The following TM9SF3 variants were observed in gnomAD, a reference collection of about 807,000 sequenced individuals.
The protein encoded by TM9SF3 is SM-11044-binding protein.
A neutral mutation model predicts 78.6 loss-of-function variants in TM9SF3; 14 were observed. The observed-to-expected ratio is 0.18, with a 90% CI of 0.12 to 0.28. TM9SF3 has a LOEUF of 0.28. Among genes scored for constraint, TM9SF3 ranks in the 10% least tolerant of loss-of-function variants. The pLI is 1.00. For synonymous variants in TM9SF3, 231 were observed against 241.7 expected (o/e 0.96, Z 0.41); for missense variants, 496 against 721.9 (o/e 0.69, Z 3.59).
chr10:96,552,906 T>C (rs765757422), intron 6 of TM9SF3, 22 bp downstream of exon 6: 1 of 1,505,498 alleles, frequency 6.6e-7, no homozygotes, highest in Non-Finnish European at 8.8e-7. Flanking sequence ...TTTCTACAAA[T>C]ATAATGTAAA....
chr10:96,533,072 C>A lies in TM9SF3; in HGVS notation c.1304G>T (p.Arg435Leu). 6.2e-7 allele frequency: 1 copy of A among 1,613,894 alleles called. No individual in the cohort carries two copies. The highest frequency in any genetic ancestry group is 8.5e-7 in the Non-Finnish European group (1 of 1,179,938). ...NFPCRVNAVP[R>L]PIPEKKWFME... is the part of the protein sequence containing the mutation. ...TTACCATTTTTTCTCCGGTATAGGA[C>A]GAGGCACAGCATTGACACGACAAGG... The change falls in exon 10 of 15, where the codon CGT becomes CTT. Residue 435 changes from arginine (R) to leucine (L), a missense_variant. Physicochemically the swap from Arg to Leu is moderately radical, Grantham distance 102 (BLOSUM62 -2). Around this residue, in one of 4 missense-constraint regions of TM9SF3, gnomAD observed 280 missense variants for 422.6 expected, o/e 0.66. Transcript: ENST00000371142.
intron 11 of TM9SF3, 103 bp from the exon 12 acceptor site, chr10:96,528,280 A>C: frequency 8.2e-7 from 1 of 1,220,470 alleles, no homozygotes; most frequent in Non-Finnish European, 1.1e-6. Context: ...TTCTCACTTA[A>C]TGACTTTCTT....
intron 9 of TM9SF3, among the ~76,000 whole-genome samples, chr10:96,541,565 G>A (rs1848032823): frequency 6.6e-6 from 1 of 152,036 alleles, no homozygotes; most frequent in Non-Finnish European, 1.5e-5. Context: ...TGCTTTTTCA[G>A]TAGAGATAGG....
At chr10:96,546,602 C>T (rs1268017690) in intron 8 of TM9SF3, among the ~76,000 whole-genome samples, 1 of 152,056 alleles carries the variant, frequency 6.6e-6, no homozygotes, top group Non-Finnish European at 1.5e-5. Context: ...GACTAATTTC[C>T]CACACCTGCG....
intron 8 of TM9SF3, among the ~76,000 whole-genome samples, chr10:96,545,618 G>A (rs1848088002): frequency 6.6e-6 from 1 of 152,168 alleles, no homozygotes; most frequent in Non-Finnish European, 1.5e-5. Context: ...GGCCGGGCGT[G>A]GTGGCTCATG....
At chr10:96,585,668 T>C (rs562124720) in intron 1 of TM9SF3, among the ~76,000 whole-genome samples, 1 of 152,350 alleles carries the variant, frequency 6.6e-6, no homozygotes, top group Admixed American at 6.5e-5. Flanking sequence ...TCGGATCCAT[T>C]AAATAGGTAA....
At chr10:96,546,469 G>T (rs1848101641) in intron 8 of TM9SF3, among the ~76,000 whole-genome samples, 1 of 152,162 alleles carries the variant, frequency 6.6e-6, no homozygotes, top group Admixed American at 6.5e-5. Flanking sequence ...ATCTGTTTCT[G>T]CTGTGGAGAC....
At chr10:96,530,703 T>C (rs1237186533) in intron 10 of TM9SF3, 95 bp from the exon 11 acceptor site, 5 of 1,157,100 alleles carry the variant, frequency 4.3e-6, no homozygotes, top group Non-Finnish European at 6.1e-6. Flanking sequence ...ACTTAAAAAA[T>C]CATCTCTAAA....
intron 7 of TM9SF3, among the ~76,000 whole-genome samples, chr10:96,549,212 T>A (rs77408594): frequency 1.6e-3 from 243 of 152,334 alleles, no homozygotes; most frequent in African/African-American, 5.5e-3. Flanking sequence ...TTTCCTCTGA[T>A]TGCTATAGTG....
Position 96,559,613 on chromosome 10 carries a change from G to A in TM9SF3, c.660+46C>T, listed in dbSNP as rs758060110. 1.7e-5 allele frequency: 23 copies of A among 1,356,792 alleles called. 1 individual carries two copies. Among genetic ancestry groups the A allele is most frequent in the Middle Eastern group, 1.8e-4 (1 of 5,422 alleles). The allele number at this position is 1,356,792 out of a possible 1,614,324, so 84.0% of individuals were successfully genotyped here. A position where few individuals can be genotyped will look rare whatever the true frequency, so the allele number is the denominator to read the frequency against. ...GACAGATACTCAATGTTTGTTGAAC[G>A]AATTGGTGCACATAATCAATGTCTT... On this transcript the variant is annotated intron_variant, in intron 5 of 14. Transcript: ENST00000371142.
chr10:96,586,879 TCCCGCCGCCGCCTCCTCCGCCGCCG>T lies in TM9SF3; in HGVS notation c.-69_-45del. ...CCGGAGCCGGCTCACCGACTCCTCCTCCCGCCGCCGCCTCCTCCGCCGCCGCCGCCTCCGCCGCGGCCGATTCGCA... is the reference window on the plus strand; with the variant it reads ...CCGGAGCCGGCTCACCGACTCCTCCTCCGCCTCCGCCGCGGCCGATTCGCA... On this transcript the variant is annotated 5_prime_UTR_variant, in exon 1 of 15. It removes the in-frame stop codon of an upstream open reading frame in the 5' UTR. Transcript: ENST00000371142. 8.6e-7 allele frequency: 1 copy of T among 1,160,652 alleles called. No homozygotes were observed. 71.9% of individuals were successfully genotyped at this position (1,160,652 alleles called of 1,614,324 possible). A position where few individuals can be genotyped will look rare whatever the true frequency, so the allele number is the denominator to read the frequency against.
intron 9 of TM9SF3, chr10:96,543,481 CCCA>C (rs1470839333): frequency 6.6e-6 from 1 of 151,766 alleles, no homozygotes; most frequent in Non-Finnish European, 1.5e-5. Flanking sequence ...ACCACAGGCG[CCCA>C]CCACCACACC....
intron 2 of TM9SF3, among the ~76,000 whole-genome samples, chr10:96,570,725 A>C (rs1848428774): frequency 6.6e-6 from 1 of 151,352 alleles, no homozygotes; most frequent in African/African-American, 2.4e-5. Flanking sequence ...ACAGAGACAA[A>C]GAGAAGAGAC....
chr10:96,564,283 T>C (rs1282763462), intron 3 of TM9SF3, among the ~76,000 whole-genome samples: 1 of 151,996 alleles, frequency 6.6e-6, no homozygotes, highest in Admixed American at 6.6e-5. Flanking sequence ...GGGAAAACAA[T>C]AGGGAAGAAA....
chr10:96,579,538 C>T (rs1202517169), intron 1 of TM9SF3, among the ~76,000 whole-genome samples: 2 of 152,066 alleles, frequency 1.3e-5, no homozygotes, highest in African/African-American at 2.4e-5. Context: ...CCACATATTC[C>T]GAAGTTACTC....
chr10:96,522,405 T>G, intron 14 of TM9SF3, 75 bp from the exon 15 acceptor site: 1 of 1,126,800 alleles, frequency 8.9e-7, no homozygotes. Flanking sequence ...CACTAAATAC[T>G]CTATGCTCTG....
intron 8 of TM9SF3, among the ~76,000 whole-genome samples, chr10:96,544,885 A>G (rs1848078708): frequency 6.6e-6 from 1 of 152,122 alleles, no homozygotes; most frequent in Non-Finnish European, 1.5e-5. Flanking sequence ...GACAGCCTCT[A>G]AGTTTGTCCT....
At chr10:96,540,883 T>C (rs1447503836) in intron 9 of TM9SF3, among the ~76,000 whole-genome samples, 1 of 146,148 alleles carries the variant, frequency 6.8e-6, no homozygotes, top group Non-Finnish European at 1.5e-5. Flanking sequence ...GTTCAAGCGA[T>C]TCTCCTGCCT....
chr10:96,541,487 G>C (rs1848031160), intron 9 of TM9SF3, among the ~76,000 whole-genome samples: 1 of 152,082 alleles, frequency 6.6e-6, no homozygotes, highest in East Asian at 1.9e-4. Flanking sequence ...GTGATCAAGC[G>C]ATTCTCCTGC....
Sources: allele counts gnomAD v4.1 joint callset (sites outside exome capture counted in the v4.1 genomes callset), GRCh38; gene constraint gnomAD v4.1.1; regional missense constraint gnomAD v4.1.1; transcripts MANE v1.5; gene names NCBI Gene and HGNC (gene_info 2026-07-23, HGNC 2026-07-21).